Variants in UBXN8 observed in about 807,000 individuals in gnomAD.
UBXN8 encodes the protein UBX domain-containing protein 8.
In UBXN8, 27 loss-of-function variants were observed where a neutral mutation model predicts 32.1. That is an observed-to-expected ratio of 0.84 (90% confidence interval 0.62 to 1.16). The LOEUF (loss-of-function observed/expected upper bound fraction) is 1.16. Among genes scored for constraint, UBXN8 ranks in the 50% most tolerant of loss-of-function variants. The probability of loss-of-function intolerance (pLI) is 0.00; values close to 1 mark genes in which losing one functional copy is unlikely to be tolerated. For synonymous variants in UBXN8, 109 were observed against 111.8 expected (o/e 0.98, Z 0.16); for missense variants, 306 against 311.4 (o/e 0.98, Z 0.13).
chr8:30,761,909 T>G (rs892181110), intron 6 of UBXN8, among the ~76,000 whole-genome samples: 1 of 152,094 alleles, frequency 6.6e-6, no homozygotes, highest in Non-Finnish European at 1.5e-5. Context: ...TAGTCCGTGA[T>G]GCCTTCCTGT....
chr8:30,760,443 A>ATCTTTTTT (rs1196366158), intron 5 of UBXN8, among the ~76,000 whole-genome samples: 1 of 91,118 alleles, frequency 1.1e-5, no homozygotes, highest in Non-Finnish European at 2.0e-5. Context: ...ATATATATAT[A>ATCTTTTTT]TTTTTTTTTT....
At chr8:30,750,084 C>G (rs758238665) in intron 1 of UBXN8, among the ~76,000 whole-genome samples, 1 of 152,050 alleles carries the variant, frequency 6.6e-6, no homozygotes, top group Non-Finnish European at 1.5e-5. Context: ...GAAATGACAA[C>G]CATCATGAGT....
intron 2 of UBXN8, 150 bp from the exon 3 acceptor site, chr8:30,752,885 A>C: frequency 1.1e-6 from 1 of 904,412 alleles, no homozygotes; most frequent in Non-Finnish European, 1.5e-6. Context: ...TATACTATTC[A>C]ACCCAAACAT....
intron 1 of UBXN8, among the ~76,000 whole-genome samples, chr8:30,749,630 G>A (rs1382927847): frequency 1.4e-5 from 2 of 143,266 alleles, no homozygotes; most frequent in Admixed American, 7.2e-5. Flanking sequence ...TTTTGAGACA[G>A]AGTCTCTCTC....
chr8:30,765,161 C>T (rs1217246393), intron 7 of UBXN8, among the ~76,000 whole-genome samples: 1 of 152,082 alleles, frequency 6.6e-6, no homozygotes, highest in Non-Finnish European at 1.5e-5. Context: ...GATTCTCCTG[C>T]CTCATCCTTC....
At chr8:30,763,383 T>G in intron 7 of UBXN8, 36 bp downstream of exon 7, 2 of 1,591,758 alleles carry the variant, frequency 1.3e-6, no homozygotes, top group Non-Finnish European at 1.7e-6. Flanking sequence ...GAAATATCTT[T>G]GTTGAATATG....
intron 1 of UBXN8, among the ~76,000 whole-genome samples, chr8:30,750,171 A>C (rs2128754015): frequency 6.6e-6 from 1 of 151,972 alleles, no homozygotes; most frequent in East Asian, 1.9e-4. Context: ...GCACCTGTGG[A>C]TTGAGACTAT....
intron 5 of UBXN8, 142 bp downstream of exon 5, chr8:30,757,029 C>T (rs1261956112): frequency 2.3e-6 from 3 of 1,301,338 alleles, no homozygotes; most frequent in Non-Finnish European, 3.1e-6. Flanking sequence ...AAAGCAATCA[C>T]CCCAGAATAG....
intron 3 of UBXN8, chr8:30,754,379 A>G: frequency 2.0e-6 from 1 of 508,424 alleles, no homozygotes; most frequent in East Asian, 5.3e-5. Flanking sequence ...CAGGATAGGA[A>G]AAGTAGATCC....
At chr8:30,756,668 C>T in intron 4 of UBXN8, 97 bp from the exon 5 acceptor site, 1 of 1,519,530 alleles carries the variant, frequency 6.6e-7, no homozygotes, top group Non-Finnish European at 8.9e-7. Flanking sequence ...TACTGATATG[C>T]CATCAGGGTA....
At chr8:30,741,498 C>G (rs1805199997), upstream of UBXN8, among the ~76,000 whole-genome samples, 1 of 116,712 alleles carries the variant, frequency 8.6e-6, no homozygotes, top group Non-Finnish European at 1.7e-5. Flanking sequence ...ACTCTATTGC[C>G]CAGGCTGGAG....
chr8:30,751,326 C>A, intron 1 of UBXN8, 70 bp from the exon 2 acceptor site: 1 of 1,329,724 alleles, frequency 7.5e-7, no homozygotes, highest in South Asian at 1.4e-5. Context: ...CCAGCCTAGT[C>A]AACATAGTGA....
upstream of UBXN8, among the ~76,000 whole-genome samples, chr8:30,739,538 T>G (rs1484958552): frequency 6.6e-6 from 1 of 152,092 alleles, no homozygotes; most frequent in African/African-American, 2.4e-5. Context: ...AGCGAGACCC[T>G]GTCTCAAAAA....
chr8:30,753,038 A>G lies in UBXN8; in HGVS notation c.215A>G (p.Glu72Gly), dbSNP rs1366251302. 5 of 1,524,884 alleles carry G rather than the reference A, an allele frequency of 3.3e-6. No homozygotes were observed. The highest frequency in any genetic ancestry group is 4.4e-6 in the Non-Finnish European group (5 of 1,138,032). 94.5% of individuals were successfully genotyped at this position (1,524,884 alleles called of 1,614,324 possible). ...CTTTTATGTTTTGATGTCTTAGAAGAAGAAGAAAAGAATGAGAAAAGACAA... is the reference window on the plus strand; with the variant it reads ...CTTTTATGTTTTGATGTCTTAGAAGGAGAAGAAAAGAATGAGAAAAGACAA... ...FKSPQVYLKE[E>G]EEKNEKRQKL... The change falls in exon 3 of 8, where the codon GAA becomes GGA. Residue 72 changes from glutamate (E) to glycine (G), a missense_variant. Physicochemically the swap from Glu to Gly is moderately conservative, Grantham distance 98. Transcript: ENST00000265616.
At chr8:30,755,903 G>A (rs1405767291) in intron 4 of UBXN8, among the ~76,000 whole-genome samples, 1 of 151,528 alleles carries the variant, frequency 6.6e-6, no homozygotes, top group East Asian at 1.9e-4. Context: ...TTAAGCTCAG[G>A]TTATATATGT....
At chr8:30,760,443 A>ATATTTTTTTTTTTT (rs1196366158) in intron 5 of UBXN8, among the ~76,000 whole-genome samples, 7 of 91,094 alleles carry the variant, frequency 7.7e-5, no homozygotes, top group Admixed American at 1.4e-4. Flanking sequence ...ATATATATAT[A>ATATTTTTTTTTTTT]TTTTTTTTTT....
chr8:30,748,759 T>C (rs970607721), intron 1 of UBXN8, among the ~76,000 whole-genome samples: 4 of 152,124 alleles, frequency 2.6e-5, no homozygotes, highest in Non-Finnish European at 1.5e-5. Context: ...CAGGTTGGTC[T>C]TAAAGTCCTG....
At position 30,760,922 on chromosome 8, in the gene UBXN8, C is replaced by T; in HGVS notation, c.563C>T (p.Ala188Val). 1 of 1,533,300 alleles carries T rather than the reference C, an allele frequency of 6.5e-7. No homozygotes were observed. Among genetic ancestry groups the T allele is most frequent in the Non-Finnish European group, 8.8e-7 (1 of 1,137,178 alleles). 95.0% of individuals were successfully genotyped at this position (1,533,300 alleles called of 1,614,324 possible). A position where few individuals can be genotyped will look rare whatever the true frequency, so the allele number is the denominator to read the frequency against. ...TTACCTGAAGAACCTTCTCAAACAG[C>T]AGAAGAAGTAAGTCTATTTTTCTCT... ...PDLPEEPSQTAEEVVTVALRC... is the reference protein window; with the variant it reads ...PDLPEEPSQTVEEVVTVALRC... Residue 188 changes from alanine to valine, a missense_variant, in exon 6 of 8, where the codon GCA (alanine) becomes GTA (valine). By Grantham distance (64) the Ala-to-Val change is moderately conservative. Coordinates refer to ENST00000265616, the MANE Select transcript of UBXN8 (RefSeq NM_005671.4).
chr8:30,758,461 T>C lies in UBXN8; in HGVS notation c.528+1574T>C, dbSNP rs574610566. Among the ~76,000 whole-genome samples the C allele has an allele frequency of 2.2e-4, 33 of 152,320 alleles. No individual in the cohort carries two copies. The South Asian group carries it at 3.3e-3, about 15-fold the overall frequency. On this transcript the variant is annotated intron_variant, in intron 5 of 7. Transcript: ENST00000265616. ...CAATCCTTAACTAAGTTAATTCCAA[T>C]TGGAGCTGGAAAAGATTAGAAATAA...
Sources: allele counts gnomAD v4.1 joint callset (sites outside exome capture counted in the v4.1 genomes callset), GRCh38; gene constraint gnomAD v4.1.1; transcripts MANE v1.5; gene names NCBI Gene and HGNC (gene_info 2026-07-23, HGNC 2026-07-21).